The following TMED7 variants were observed in gnomAD, a reference collection of about 807,000 sequenced individuals.
TMED7 encodes transmembrane emp24 domain-containing protein 7.
A neutral mutation model predicts 23.4 loss-of-function variants in TMED7; 8 were observed. That is an observed-to-expected ratio of 0.34 (90% CI 0.20 to 0.62). The LOEUF (loss-of-function observed/expected upper bound fraction) is 0.62. Ranked by LOEUF, TMED7 falls within the 20% of genes least tolerant of loss-of-function variation. TMED7 has a pLI of 0.77. For missense variants in TMED7, 232 were observed against 279.1 expected, an observed-to-expected ratio of 0.83 and a Z score of 1.20; for synonymous variants, 121 against 108.5, an observed-to-expected ratio of 1.12 and a Z score of -0.72.
rs369510855 is a variant in TMED7, at chr5:115,619,735, T to G, written c.438+700A>C. Among the ~76,000 whole-genome samples the G allele has an allele frequency of 3.3e-5, 5 of 152,184 alleles. No homozygotes were observed. In the East Asian group the frequency reaches 5.8e-4, roughly 18 times the overall value. ...AGATCAGATGTAACAATCTTCCACTTGTGTCATCAGGTTGGAGCTAAAAAA... is the reference window on the plus strand; with the variant it reads ...AGATCAGATGTAACAATCTTCCACTGGTGTCATCAGGTTGGAGCTAAAAAA... On this transcript the variant is annotated intron_variant, in intron 2 of 2. Transcript: ENST00000456936.
At position 115,620,435 on chromosome 5, in the gene TMED7, C is replaced by T; in HGVS notation, c.438G>A (p.Gln146=). The change falls in exon 2 of 3, where the codon CAG becomes CAA. Residue 146 remains glutamine, a splice_region_variant and synonymous_variant. Transcript: ENST00000456936. ...TTATATTGCTGATTTTTTTATTTACCTGGGTAAGAGCACTGACTCGGTTCT... is the reference window on the plus strand; with the variant it reads ...TTATATTGCTGATTTTTTTATTTACTTGGGTAAGAGCACTGACTCGGTTCT... The part of the protein sequence containing the change: ...PSENRVSALT[Q]MESACVSIHE... The T allele has an allele frequency of 4.8e-6, 7 of 1,470,270 alleles. No individual in the cohort carries two copies. The highest frequency in any genetic ancestry group is 1.5e-5 in the South Asian group (1 of 66,784). The allele number at this position is 1,470,270 out of a possible 1,614,324, so 91.1% of individuals were successfully genotyped here.
intron 1 of TMED7, among the ~76,000 whole-genome samples, chr5:115,622,103 A>C (rs1757049730): frequency 6.6e-6 from 1 of 152,194 alleles, no homozygotes; most frequent in South Asian, 2.1e-4. Flanking sequence ...AAAGTCAGTA[A>C]CTTTTTCTCC....
Position 115,615,450 on chromosome 5 carries a change from C to T in TMED7, c.*759G>A, listed in dbSNP as rs1464575028. ...GAAAATGTAATGAGTACGTGTAACT[C>T]ACTAAAAATTTTCCTATTTCATTTG... is the stretch of plus-strand genomic sequence containing the variant. On this transcript the variant is annotated 3_prime_UTR_variant, in exon 3 of 3. Transcript: ENST00000456936. The T allele has an allele frequency of 6.6e-6, 1 of 152,254 alleles. No individual in the cohort carries two copies. The highest frequency in any genetic ancestry group is 2.4e-5 in the African/African-American group (1 of 41,422). 9.4% of individuals were successfully genotyped at this position (152,254 alleles called of 1,614,324 possible). A position where few individuals can be genotyped will look rare whatever the true frequency, so the allele number is the denominator to read the frequency against.
At chr5:115,619,672 A>C (rs1756949461) in intron 2 of TMED7, among the ~76,000 whole-genome samples, 1 of 152,148 alleles carries the variant, frequency 6.6e-6, no homozygotes, top group African/African-American at 2.4e-5. Flanking sequence ...ATGCAGCCTT[A>C]AGGCAACTGT....
In TMED7 at chr5:115,625,586, C is replaced by T. The variant is rs973289852; in HGVS notation, c.192+15G>A. On this transcript the variant is annotated intron_variant, in intron 1 of 2. Transcript: ENST00000456936. ...GCCGCGAGTTGGGGCCCAGGGACTGCTAGGCCCCTGATACCTGGAACTCCA... is the reference window on the plus strand; with the variant it reads ...GCCGCGAGTTGGGGCCCAGGGACTGTTAGGCCCCTGATACCTGGAACTCCA... The T allele has an allele frequency of 1.3e-6, 2 of 1,556,980 alleles. No individual in the cohort carries two copies. The highest frequency in any genetic ancestry group is 2.5e-5 in the East Asian group (1 of 39,452).
intron 2 of TMED7, among the ~76,000 whole-genome samples, chr5:115,618,376 A>C (rs752618688): frequency 7.3e-4 from 111 of 152,246 alleles, no homozygotes; most frequent in Admixed American, 2.4e-3. Context: ...TAAAGTCAGG[A>C]AATAGTGTTC....
In TMED7 at chr5:115,620,454, C is replaced by G. The variant is rs781282538; in HGVS notation, c.419G>C (p.Arg140Pro). ...ATTTACCTGGGTAAGAGCACTGACT[C>G]GGTTCTCACTAGGAAACAAAGGTGG... ...EDPPLFPSENRVSALTQMESA... is the reference protein window; with the variant it reads ...EDPPLFPSENPVSALTQMESA... The change falls in exon 2 of 3, where the codon CGA becomes CCA. Residue 140 changes from arginine to proline, a missense_variant. Around this residue, in one of 2 missense-constraint regions of TMED7, gnomAD observed 126 missense variants for 182.1 expected, o/e 0.69. Transcript: ENST00000456936. The G allele has an allele frequency of 2.1e-5, 32 of 1,543,690 alleles. No homozygotes were observed. The highest frequency in any genetic ancestry group is 2.7e-5 in the Non-Finnish European group (31 of 1,147,634).
rs1015908463 is a variant in TMED7, at chr5:115,614,322, C to T, written c.*1887G>A. 1 of 152,414 alleles carries T rather than the reference C, an allele frequency of 6.6e-6. No homozygotes were observed. Among genetic ancestry groups the T allele is most frequent in the Non-Finnish European group, 1.5e-5 (1 of 67,948 alleles). The allele number at this position is 152,414 out of a possible 1,614,324, so 9.4% of individuals were successfully genotyped here. ...TAATATTCTGAAGTTTTGAGAGGCA[C>T]AGATTAAATGAGTGCACTATCTATG... On this transcript the variant is annotated 3_prime_UTR_variant, in exon 3 of 3. Transcript: ENST00000456936.
chr5:115,621,935 G>A (rs2112576186), intron 1 of TMED7, among the ~76,000 whole-genome samples: 1 of 152,258 alleles, frequency 6.6e-6, no homozygotes, highest in Middle Eastern at 3.4e-3. Flanking sequence ...GAGAGAAGAT[G>A]ACTAATGAAC....
In TMED7 at chr5:115,616,076, T is replaced by C. The variant is rs79975909; in HGVS notation, c.*133A>G. 2,269 of 884,406 alleles carry C rather than the reference T, an allele frequency of 2.6e-3. 33 individuals are homozygous for C. The African/African-American group carries it at 0.033, about 13-fold the overall frequency. 54.8% of individuals were successfully genotyped at this position (884,406 alleles called of 1,614,324 possible). On this transcript the variant is annotated 3_prime_UTR_variant, in exon 3 of 3. Coordinates refer to ENST00000456936, the MANE Select transcript of TMED7 (RefSeq NM_181836.6). ...CCTTTCCACAGTTTGGGAATATGCA[T>C]TGTACATCCCTCCCAACAAGTGTAT... is the stretch of plus-strand genomic sequence containing the variant.
intron 1 of TMED7, among the ~76,000 whole-genome samples, 156 bp from the exon 2 acceptor site, chr5:115,620,836 C>G (rs1408591511): frequency 6.6e-6 from 1 of 152,148 alleles, no homozygotes; most frequent in Non-Finnish European, 1.5e-5. Flanking sequence ...GGAGATTTTA[C>G]TTCAACTAAA....
In TMED7 at chr5:115,614,118, G is replaced by A. The variant is rs1756587825; in HGVS notation, c.*2091C>T. On this transcript the variant is annotated 3_prime_UTR_variant, in exon 3 of 3. Transcript: ENST00000456936. ...GTTACTTAGCATTTATGTCTGGATA[G>A]GTATGTATTTTCTAATTTACATACA... 1 of 152,044 alleles carries A rather than the reference G, an allele frequency of 6.6e-6. No individual in the cohort carries two copies. Among genetic ancestry groups the A allele is most frequent in the Admixed American group, 6.5e-5 (1 of 15,268 alleles). 9.4% of individuals were successfully genotyped at this position (152,044 alleles called of 1,614,324 possible).
At position 115,615,240 on chromosome 5, in the gene TMED7, A is replaced by G. The variant is rs1756667244; in HGVS notation, c.*969T>C. 1 of 152,634 alleles carries G rather than the reference A, an allele frequency of 6.6e-6. No homozygotes were observed. Among genetic ancestry groups the G allele is most frequent in the Non-Finnish European group, 1.5e-5 (1 of 68,000 alleles). 9.5% of individuals were successfully genotyped at this position (152,634 alleles called of 1,614,324 possible). A position where few individuals can be genotyped will look rare whatever the true frequency, so the allele number is the denominator to read the frequency against. On this transcript the variant is annotated 3_prime_UTR_variant, in exon 3 of 3. Transcript: ENST00000456936. ...ACAAAAAAAAGAAAAAAGGAGAGCA[A>G]CTAACTTTTCAGTGCATCACATCCA...
chr5:115,625,954 C>G lies in TMED7; in HGVS notation c.-162G>C, dbSNP rs755465288. 4.8e-4 allele frequency: 507 copies of G among 1,061,060 alleles called. No individual in the cohort carries two copies. The highest frequency in any genetic ancestry group is 5.8e-4 in the Non-Finnish European group (478 of 822,768). The allele number at this position is 1,061,060 out of a possible 1,614,324, so 65.7% of individuals were successfully genotyped here. A position where few individuals can be genotyped will look rare whatever the true frequency, so the allele number is the denominator to read the frequency against. ...ATTCGGGATCAGAGCGACCCTCCGG[C>G]TTCCTGTGAGGGGCGCAGACGGGCG... On this transcript the variant is annotated 5_prime_UTR_variant, in exon 1 of 3. Coordinates refer to ENST00000456936, the MANE Select transcript of TMED7 (RefSeq NM_181836.6).
chr5:115,616,887 A>C (rs796256109), intron 2 of TMED7, among the ~76,000 whole-genome samples: 14 of 152,362 alleles, frequency 9.2e-5, no homozygotes, highest in African/African-American at 2.9e-4. Context: ...ACAGTACAAA[A>C]AAAAGCTGAA....
chr5:115,618,276 A>T (rs1253627739), intron 2 of TMED7, among the ~76,000 whole-genome samples: 1 of 152,244 alleles, frequency 6.6e-6, no homozygotes, highest in Non-Finnish European at 1.5e-5. Flanking sequence ...AGCTACAAAT[A>T]CTTTTATACT....
At chr5:115,617,331 G>A (rs905574813) in intron 2 of TMED7, among the ~76,000 whole-genome samples, 11 of 152,068 alleles carry the variant, frequency 7.2e-5, no homozygotes, top group Admixed American at 2.0e-4. Flanking sequence ...TTTAATTTTA[G>A]TTAAGGAATA....
chr5:115,621,592 T>C (rs1757030079), intron 1 of TMED7, among the ~76,000 whole-genome samples: 1 of 152,182 alleles, frequency 6.6e-6, no homozygotes. Flanking sequence ...TTATGCTTAA[T>C]CAGTTACAAT....
intron 2 of TMED7, among the ~76,000 whole-genome samples, chr5:115,618,717 T>C (rs560692331): frequency 1.3e-5 from 2 of 152,248 alleles, no homozygotes; most frequent in African/African-American, 4.8e-5. Context: ...AGGCACATAA[T>C]GTCTAGTTAT....
Sources: allele counts gnomAD v4.1 joint callset (sites outside exome capture counted in the v4.1 genomes callset), GRCh38; gene constraint gnomAD v4.1.1; regional missense constraint gnomAD v4.1.1; transcripts MANE v1.5; gene names NCBI Gene and HGNC (gene_info 2026-07-23, HGNC 2026-07-21).